CALB2: variants seen among roughly 807,000 people sequenced by gnomAD.
The protein encoded by CALB2 is calretinin.
A neutral mutation model predicts 45.9 loss-of-function variants in CALB2; 34 were observed. The observed-to-expected ratio is 0.74, with a 90% CI of 0.56 to 0.99. CALB2 has a LOEUF of 0.99. Ranked by LOEUF, CALB2 falls within the 50% of genes least tolerant of loss-of-function variation. The probability of loss-of-function intolerance (pLI) is 0.00; values close to 1 mark genes in which losing one functional copy is unlikely to be tolerated. For missense variants in CALB2, 344 were observed against 339.3 expected (o/e 1.01, Z -0.11); for synonymous variants, 142 against 129.6 (o/e 1.10, Z -0.65).
At chr16:71,382,055 GGA>G (rs1423938719) in intron 4 of CALB2, among the ~76,000 whole-genome samples, 12 of 130,456 alleles carry the variant, frequency 9.2e-5, no homozygotes, top group South Asian at 5.9e-4. Flanking sequence ...AGGAGGAGGA[GGA>G]GAGGGGGAGG....
At chr16:71,372,282 G>A (rs559550061) in intron 2 of CALB2, 53 bp downstream of exon 2, 1 of 1,319,486 alleles carries the variant, frequency 7.6e-7, no homozygotes, top group Admixed American at 1.9e-5. Context: ...CTATGCCTTT[G>A]AGCATGCTGT....
chr16:71,382,099 A>AGGAAGGAAG (rs2042501700), intron 4 of CALB2, among the ~76,000 whole-genome samples: 1 of 144,092 alleles, frequency 6.9e-6, no homozygotes, highest in Non-Finnish European at 1.5e-5. Context: ...AGAGAAAGGA[A>AGGAAGGAAG]GGAAGGAAGG....
At chr16:71,379,167 C>T (rs2042454461) in intron 4 of CALB2, among the ~76,000 whole-genome samples, 1 of 152,064 alleles carries the variant, frequency 6.6e-6, no homozygotes, top group African/African-American at 2.4e-5. Context: ...ATCCCAGCTA[C>T]TCAGGAGGCT....
chr16:71,384,927 T>C (rs1278589909), intron 9 of CALB2, 91 bp downstream of exon 9: 3 of 1,115,086 alleles, frequency 2.7e-6, no homozygotes, highest in Non-Finnish European at 4.1e-6. Context: ...GAGACAGCTT[T>C]CCAGGGGTGG....
In CALB2 at chr16:71,383,420, G is replaced by T; in HGVS notation, c.453G>T (p.Lys151Asn). The T allele has an allele frequency of 6.2e-7, 1 of 1,614,132 alleles. No individual in the cohort carries two copies. ...KKANRPYDEP[K>N]LQEYTQTILR... The stretch of plus-strand genomic sequence containing the variant: ...CGAACCGGCCGTACGATGAGCCCAA[G>T]CTCCAGGAATACACCCAAACCATAG... Residue 151 changes from lysine (K) to asparagine (N), a missense_variant, in exon 6 of 11, where the codon AAG (lysine) becomes AAT (asparagine). Transcript: ENST00000302628.
chr16:71,385,767 AG>A, intron 10 of CALB2, 119 bp downstream of exon 10: 1 of 681,078 alleles, frequency 1.5e-6, no homozygotes, highest in African/African-American at 1.8e-5. Flanking sequence ...TGCCACAGCA[AG>A]GCAATAGACA....
chr16:71,387,418 C>T (rs1453648105), intron 10 of CALB2, among the ~76,000 whole-genome samples: 3 of 151,490 alleles, frequency 2.0e-5, no homozygotes, highest in African/African-American at 7.3e-5. Context: ...AAGAGAGAGC[C>T]GCGTGACTCT....
chr16:71,358,934 G>T, intron 1 of CALB2, 48 bp downstream of exon 1: 7 of 1,530,992 alleles, frequency 4.6e-6, no homozygotes, highest in Non-Finnish European at 6.3e-6. Flanking sequence ...CAGGGGACCT[G>T]CGGTGAAGGG....
chr16:71,372,613 T>G (rs2042365646), intron 2 of CALB2, among the ~76,000 whole-genome samples: 1 of 152,176 alleles, frequency 6.6e-6, no homozygotes, highest in Admixed American at 6.5e-5. Context: ...GTGCCCTGAT[T>G]CTAGACCAGA....
chr16:71,379,991 A>C (rs1012407496), intron 4 of CALB2, among the ~76,000 whole-genome samples: 3 of 152,188 alleles, frequency 2.0e-5, no homozygotes, highest in African/African-American at 2.4e-5. Flanking sequence ...GGAGAAAAAA[A>C]GTTCTGCGTA....
At chr16:71,377,876 C>CA in intron 4 of CALB2, 129 bp downstream of exon 4, 1 of 630,994 alleles carries the variant, frequency 1.6e-6, no homozygotes, top group Admixed American at 2.9e-5. Flanking sequence ...CTCTGCTACT[C>CA]AAAGTGTGGT....
chr16:71,372,564 G>C (rs1420790160), intron 2 of CALB2, among the ~76,000 whole-genome samples: 6 of 152,162 alleles, frequency 3.9e-5, no homozygotes, highest in Non-Finnish European at 7.4e-5. Flanking sequence ...CAGGTGCTTA[G>C]GGGTCATGAT....
At position 71,385,575 on chromosome 16, in the gene CALB2, A is replaced by C; in HGVS notation, c.628-2A>C. On this transcript the variant is annotated splice_acceptor_variant, in intron 9 of 10. Transcript: ENST00000302628. LOFTEE classifies it high-confidence loss of function. ...CTGGGTTGACTCTGCTCCCATCCCC[A>C]GGATAGAAGCGGCTACATTGACGAG... The C allele has an allele frequency of 1.9e-6, 3 of 1,613,932 alleles. No homozygotes were observed. Among genetic ancestry groups the C allele is most frequent in the Non-Finnish European group, 1.7e-6 (2 of 1,179,846 alleles).
At position 71,385,717 on chromosome 16, in the gene CALB2, G is replaced by A. The variant is rs546648847; in HGVS notation, c.699+69G>A. 16 of 1,296,250 alleles carry A rather than the reference G, an allele frequency of 1.2e-5. No individual in the cohort carries two copies. In the East Asian group the frequency reaches 2.8e-4, roughly 23 times the overall value. The allele number at this position is 1,296,250 out of a possible 1,614,324, so 80.3% of individuals were successfully genotyped here. On this transcript the variant is annotated intron_variant, in intron 10 of 10. Transcript: ENST00000302628. ...AGGAGAGGCTTCTGCAGGAGAGGAGGGGAAAGGTGCCTGGTCCTGCTCTCT... is the reference window on the plus strand; with the variant it reads ...AGGAGAGGCTTCTGCAGGAGAGGAGAGGAAAGGTGCCTGGTCCTGCTCTCT...
chr16:71,389,369 T>C (rs1464673035), intron 10 of CALB2, among the ~76,000 whole-genome samples: 1 of 152,170 alleles, frequency 6.6e-6, no homozygotes, highest in Non-Finnish European at 1.5e-5. Context: ...ATACAAGTCA[T>C]ACATAGATCA....
chr16:71,374,213 C>T (rs531458612), intron 2 of CALB2, among the ~76,000 whole-genome samples: 2 of 152,286 alleles, frequency 1.3e-5, no homozygotes, highest in Admixed American at 6.5e-5. Flanking sequence ...AATTACCCTT[C>T]GGCTACATGA....
In CALB2 at chr16:71,390,025, TG is replaced by T. The variant is rs147983876; in HGVS notation, c.*166del. The T allele has an allele frequency of 0.017, 10,586 of 606,256 alleles. 862 individuals are homozygous for T. The African/African-American group carries it at 0.17, about 10-fold the overall frequency. 37.6% of individuals were successfully genotyped at this position (606,256 alleles called of 1,614,324 possible). A position where few individuals can be genotyped will look rare whatever the true frequency, so the allele number is the denominator to read the frequency against. Reference sequence around the variant, plus strand: ...AAATGAGAGATAGAGGATGGGCAGCTGGGGGGCTGTCCTGAGCCCCCTGCAC... The same window carrying T: ...AAATGAGAGATAGAGGATGGGCAGCTGGGGGCTGTCCTGAGCCCCCTGCAC... On this transcript the variant is annotated 3_prime_UTR_variant, in exon 11 of 11. Transcript: ENST00000302628.
At chr16:71,372,092 C>A in intron 1 of CALB2, 61 bp from the exon 2 acceptor site, 1 of 1,195,062 alleles carries the variant, frequency 8.4e-7, no homozygotes, top group Non-Finnish European at 1.2e-6. Context: ...CCCGACATGC[C>A]CACCCCGTGC....
chr16:71,387,168 C>G (rs2042579934), intron 10 of CALB2, among the ~76,000 whole-genome samples: 2 of 152,188 alleles, frequency 1.3e-5, no homozygotes, highest in Admixed American at 1.3e-4. Context: ...TCAGAGTGAC[C>G]TGAATTTCCT....
Sources: allele counts gnomAD v4.1 joint callset (sites outside exome capture counted in the v4.1 genomes callset), GRCh38; gene constraint gnomAD v4.1.1; transcripts MANE v1.5; gene names NCBI Gene and HGNC (gene_info 2026-07-23, HGNC 2026-07-21).